Variants in METTL16 observed in about 807,000 individuals in gnomAD.
METTL16 encodes the protein RNA N(6)-adenosine-methyltransferase METTL16.
Under a neutral mutation model 57.9 loss-of-function variants are expected in METTL16, and 19 were observed. The ratio of observed to expected loss-of-function variants is 0.33; its 90% confidence interval spans 0.23 to 0.48. The LOEUF (loss-of-function observed/expected upper bound fraction) is 0.48, where lower values mean the gene tolerates loss of function less well. Ranked by LOEUF, METTL16 falls within the 20% of genes least tolerant of loss-of-function variation. The pLI, the probability that METTL16 is intolerant of heterozygous loss-of-function variation, is 0.99. For synonymous variants in METTL16, 246 were observed against 255.6 expected (o/e 0.96, Z 0.36); for missense variants, 434 against 691.5 (o/e 0.63, Z 4.18).
chr17:2,431,885 CAAT>C (rs1375340919), intron 8 of METTL16, among the ~76,000 whole-genome samples: 1 of 151,850 alleles, frequency 6.6e-6, no homozygotes, highest in Non-Finnish European at 1.5e-5. Context: ...GATATAATAA[CAAT>C]AATAACAAGG....
Position 2,433,204 on chromosome 17 carries a change from G to A in METTL16, c.888+4905C>T, listed in dbSNP as rs141284458. Among the ~76,000 whole-genome samples the A allele has an allele frequency of 3.2e-3, 488 of 152,338 alleles. 11 individuals are homozygous for A. The highest frequency in any genetic ancestry group is 1.1e-3 in the Non-Finnish European group (77 of 68,034). On this transcript the variant is annotated intron_variant, in intron 8 of 9. Coordinates refer to ENST00000263092, the MANE Select transcript of METTL16 (RefSeq NM_024086.4). ...ACTGGGCTGGGTTGCAGTGGAGGAC[G>A]TCAGAGGGAAGGATCAGAACAGGGT...
intron 2 of METTL16, among the ~76,000 whole-genome samples, chr17:2,501,459 CA>C (rs1463828607): frequency 6.6e-6 from 1 of 152,048 alleles, no homozygotes; most frequent in East Asian, 1.9e-4. Flanking sequence ...AAAAATAAAT[CA>C]ACTTCTTAAA....
rs2067343086 is a variant in METTL16 at position 2,486,567 on chromosome 17, A to G, written c.129-8682T>C. On this transcript the variant is annotated intron_variant, in intron 2 of 9. Coordinates refer to ENST00000263092, the MANE Select transcript of METTL16 (RefSeq NM_024086.4). The stretch of plus-strand genomic sequence containing the variant: ...ATTACAGGTGTGAGCCACTGCACCC[A>G]GCTGATAAAAGTATATTCTATGTTA... Among the ~76,000 whole-genome samples, 4 of 152,042 alleles carry G rather than the reference A, an allele frequency of 2.6e-5. No individual in the cohort carries two copies. In the South Asian group the frequency reaches 8.3e-4, roughly 31 times the overall value.
chr17:2,499,487 GC>G (rs2067471982), intron 2 of METTL16, among the ~76,000 whole-genome samples: 1 of 147,790 alleles, frequency 6.8e-6, no homozygotes, highest in Non-Finnish European at 1.5e-5. Flanking sequence ...CTTTCCTAAA[GC>G]TACTAGGATC....
intron 1 of METTL16, among the ~76,000 whole-genome samples, chr17:2,505,908 G>A (rs2067529250): frequency 6.6e-6 from 1 of 152,004 alleles, no homozygotes; most frequent in Non-Finnish European, 1.5e-5. Context: ...TTCACCATCA[G>A]TTTAAGTCAC....
At chr17:2,481,999 T>C in intron 2 of METTL16, among the ~76,000 whole-genome samples, 1 of 152,120 alleles carries the variant, frequency 6.6e-6, no homozygotes, top group East Asian at 1.9e-4. Context: ...GAACAGTGAC[T>C]ACAAAGCCCT....
chr17:2,449,061 T>A (rs1451088292), intron 6 of METTL16, among the ~76,000 whole-genome samples: 1 of 150,378 alleles, frequency 6.6e-6, no homozygotes, highest in East Asian at 1.9e-4. Context: ...ATAAAATAAA[T>A]CAACTGTATT....
chr17:2,467,889 A>G lies in METTL16; in HGVS notation c.470-13T>C. 1 of 1,562,332 alleles carries G rather than the reference A, an allele frequency of 6.4e-7. No homozygotes were observed. Among genetic ancestry groups the G allele is most frequent in the South Asian group, 1.1e-5 (1 of 89,980 alleles). ...GGCACTTTCACCACTAGGAGAAAAA[A>G]CAGGACTGTGAACTAATATTAATGT... On this transcript the variant is annotated splice_polypyrimidine_tract_variant and intron_variant, in intron 4 of 9. Coordinates refer to ENST00000263092, the MANE Select transcript of METTL16 (RefSeq NM_024086.4).
intron 2 of METTL16, among the ~76,000 whole-genome samples, chr17:2,487,925 A>T (rs1446777724): frequency 6.6e-6 from 1 of 151,908 alleles, no homozygotes; most frequent in Non-Finnish European, 1.5e-5. Flanking sequence ...AGGATCACTC[A>T]GCACAGGAGG....
In METTL16 at chr17:2,441,565, A is replaced by G. The variant is rs1329223596; in HGVS notation, c.729-6T>C. 2.2e-6 allele frequency: 3 copies of G among 1,358,238 alleles called. No individual in the cohort carries two copies. Among genetic ancestry groups the G allele is most frequent in the Non-Finnish European group, 2.0e-6 (2 of 1,016,558 alleles). 84.1% of individuals were successfully genotyped at this position (1,358,238 alleles called of 1,614,324 possible). On this transcript the variant is annotated splice_polypyrimidine_tract_variant and splice_region_variant and intron_variant, in intron 6 of 9. Coordinates refer to ENST00000263092, the MANE Select transcript of METTL16 (RefSeq NM_024086.4). ...CCAGCATGCAGCTATACCATCTAGG[A>G]AAAAAAAAATCAGACAAGTAAATAC... is the stretch of plus-strand genomic sequence containing the variant.
At chr17:2,451,747 C>G (rs2067071758) in intron 6 of METTL16, among the ~76,000 whole-genome samples, 2 of 152,060 alleles carry the variant, frequency 1.3e-5, no homozygotes, top group South Asian at 4.1e-4. Context: ...AGTGCTGACA[C>G]AGTAACAGCA....
chr17:2,486,341 G>C lies in METTL16; in HGVS notation c.129-8456C>G, dbSNP rs191300675. ...GGCTGGAGTGCAATGGCGAGATCTC[G>C]GCTCATTGCAACTTACGCCTCCCGG... On this transcript the variant is annotated intron_variant, in intron 2 of 9. Coordinates refer to ENST00000263092, the MANE Select transcript of METTL16 (RefSeq NM_024086.4). 7.8e-3 allele frequency among the ~76,000 whole-genome samples: 1,185 copies of C among 151,326 alleles called. 13 individuals are homozygous for C. The highest frequency in any genetic ancestry group is 8.4e-3 in the Non-Finnish European group (569 of 67,862).
In METTL16 at chr17:2,416,197, G is replaced by A. The variant is rs1433373068; in HGVS notation, c.*3773C>T. 6.6e-6 allele frequency: 1 copy of A among 152,166 alleles called. No individual in the cohort carries two copies. The highest frequency in any genetic ancestry group is 1.5e-5 in the Non-Finnish European group (1 of 68,032). The allele number at this position is 152,166 out of a possible 1,614,324, so 9.4% of individuals were successfully genotyped here. A position where few individuals can be genotyped will look rare whatever the true frequency, so the allele number is the denominator to read the frequency against. On this transcript the variant is annotated 3_prime_UTR_variant, in exon 10 of 10. Transcript: ENST00000263092. ...TCCATTCCCACGGGGAAGTGAAGGC[G>A]CTTTGATAAAAGGGCCAAGGGTGCC...
intron 2 of METTL16, among the ~76,000 whole-genome samples, chr17:2,498,304 CAGG>C (rs1739457771): frequency 6.6e-6 from 1 of 151,386 alleles, no homozygotes; most frequent in African/African-American, 2.5e-5. Context: ...CCCAGCTACT[CAGG>C]AGGTTGAGGC....
intron 6 of METTL16, among the ~76,000 whole-genome samples, chr17:2,453,227 C>T (rs1460330407): frequency 6.6e-6 from 1 of 152,142 alleles, no homozygotes; most frequent in African/African-American, 2.4e-5. Flanking sequence ...AACACTCATT[C>T]AATACTATTA....
chr17:2,496,518 C>T (rs2067447244), intron 2 of METTL16, among the ~76,000 whole-genome samples: 1 of 151,734 alleles, frequency 6.6e-6, no homozygotes, highest in African/African-American at 2.4e-5. Context: ...TTCATCTTCA[C>T]TGAAAGTTAT....
chr17:2,448,137 G>A (rs1194181920), intron 6 of METTL16, among the ~76,000 whole-genome samples: 15 of 54,410 alleles, frequency 2.8e-4, no homozygotes, highest in African/African-American at 1.1e-3. Context: ...TCAGCCCCCC[G>A]CCCGGCCGGC....
chr17:2,486,313 C>T (rs1312980329), intron 2 of METTL16, among the ~76,000 whole-genome samples: 2 of 151,786 alleles, frequency 1.3e-5, no homozygotes, highest in Admixed American at 1.3e-4. Context: ...GCTCTGTCAC[C>T]CAGGCTGGAG....
intron 8 of METTL16, among the ~76,000 whole-genome samples, chr17:2,425,402 G>C (rs535554820): frequency 1.3e-5 from 2 of 152,270 alleles, no homozygotes; most frequent in South Asian, 4.1e-4. Context: ...TTAATGCAAA[G>C]AACTAGGTGA....
Sources: gnomAD v4.1 joint callset for allele counts (sites outside exome capture counted in the v4.1 genomes callset) on GRCh38, gnomAD v4.1.1 for gene constraint, MANE v1.5 for transcripts, NCBI Gene and HGNC (gene_info 2026-07-23, HGNC 2026-07-21) for gene names.